Variants in CAPN5 observed in about 807,000 individuals in gnomAD.
CAPN5 encodes the protein calpain 5.
CAPN5 carries 54 observed loss-of-function variants against 73.0 expected under a neutral mutation model. The observed-to-expected ratio is 0.74, with a 90% CI of 0.59 to 0.93. The LOEUF is 0.93. Ranked by LOEUF, CAPN5 falls within the 40% of genes least tolerant of loss-of-function variation. The pLI, the probability that CAPN5 is intolerant of heterozygous loss-of-function variation, is 0.00. For missense variants in CAPN5, 785 were observed against 882.9 expected, an observed-to-expected ratio of 0.89 and a Z score of 1.41; for synonymous variants, 335 against 356.9, an observed-to-expected ratio of 0.94 and a Z score of 0.69.
At chr11:77,088,333 A>G (rs1950112072) in intron 2 of CAPN5, among the ~76,000 whole-genome samples, 1 of 152,120 alleles carries the variant, frequency 6.6e-6, no homozygotes, top group African/African-American at 2.4e-5. Flanking sequence ...CTCCCTGAAC[A>G]TAAGGCCTTT....
At chr11:77,077,603 C>T (rs1222174707) in intron 1 of CAPN5, among the ~76,000 whole-genome samples, 4 of 151,438 alleles carry the variant, frequency 2.6e-5, no homozygotes, top group African/African-American at 7.3e-5. Flanking sequence ...GATCTCGGCT[C>T]ACTGCAACCT....
chr11:77,119,273 G>A (rs1018095816), intron 9 of CAPN5, 121 bp downstream of exon 9: 36 of 1,130,304 alleles, frequency 3.2e-5, no homozygotes, highest in East Asian at 1.6e-4. Flanking sequence ...CCTGGCTGCC[G>A]TGGCAGACAT....
At chr11:77,100,658 C>T (rs2135452327) in intron 3 of CAPN5, among the ~76,000 whole-genome samples, 1 of 152,340 alleles carries the variant, frequency 6.6e-6, no homozygotes, top group Non-Finnish European at 1.5e-5. Context: ...GGCTCCTTCA[C>T]TGGACTCCCA....
rs782469382 is a variant in CAPN5, at chr11:77,084,987, C to T, written c.101C>T (p.Ala34Val). Residue 34 changes from alanine to valine, a missense_variant, in exon 2 of 13, where the codon GCC becomes GTC. Ala to Val is a moderately conservative substitution (Grantham distance 64, BLOSUM62 0). Coordinates refer to ENST00000648180, the MANE Select transcript of CAPN5 (RefSeq NM_004055.5). ...CTCTTCGAGGACCCCCTCTTCCCCGCCACTGACGACTCACTCTACTATAAG... is the reference window on the plus strand; with the variant it reads ...CTCTTCGAGGACCCCCTCTTCCCCGTCACTGACGACTCACTCTACTATAAG... ...KVLFEDPLFPATDDSLYYKGT... is the reference protein window; with the variant it reads ...KVLFEDPLFPVTDDSLYYKGT... 6.8e-5 allele frequency: 110 copies of T among 1,613,786 alleles called. No homozygotes were observed. The highest frequency in any genetic ancestry group is 8.8e-5 in the Non-Finnish European group (104 of 1,180,046).
intron 3 of CAPN5, among the ~76,000 whole-genome samples, chr11:77,105,824 C>T (rs1950340551): frequency 6.6e-6 from 1 of 152,244 alleles, no homozygotes; most frequent in Admixed American, 6.5e-5. Flanking sequence ...TTCCTCACAG[C>T]TCTGTTCCCT....
At chr11:77,101,036 C>T (rs1950278323) in intron 3 of CAPN5, among the ~76,000 whole-genome samples, 1 of 152,252 alleles carries the variant, frequency 6.6e-6, no homozygotes, top group Non-Finnish European at 1.5e-5. Flanking sequence ...TGTGTACTGT[C>T]TCCCCACCTG....
chr11:77,085,770 G>T (rs899009595), intron 2 of CAPN5, among the ~76,000 whole-genome samples: 3 of 152,266 alleles, frequency 2.0e-5, no homozygotes, highest in Admixed American at 2.0e-4. Context: ...CTGGGGAGGG[G>T]TTCGCTGCTT....
At position 77,093,930 on chromosome 11, in the gene CAPN5, A is replaced by C. The variant is rs375048490; in HGVS notation, c.297+117A>C. The C allele has an allele frequency of 4.2e-6, 6 of 1,441,166 alleles. No individual in the cohort carries two copies. In the African/African-American group the frequency reaches 5.6e-5, roughly 13 times the overall value. 89.3% of individuals were successfully genotyped at this position (1,441,166 alleles called of 1,614,324 possible). On this transcript the variant is annotated intron_variant, in intron 3 of 12. Transcript: ENST00000648180. Reference sequence around the variant, plus strand: ...GATGAGACTTTCAAAAGCCTGTGCCAGGGATGGGGTGGGGGCCCCCAGTAC... The same window carrying C: ...GATGAGACTTTCAAAAGCCTGTGCCCGGGATGGGGTGGGGGCCCCCAGTAC...
intron 11 of CAPN5, 74 bp downstream of exon 11, chr11:77,122,123 C>A: frequency 1.2e-6 from 1 of 858,366 alleles, no homozygotes; most frequent in Non-Finnish European, 1.8e-6. Context: ...AGCACGGATA[C>A]CAGCCTCAGA....
intron 3 of CAPN5, among the ~76,000 whole-genome samples, chr11:77,104,996 G>A (rs1405336692): frequency 6.6e-6 from 1 of 152,110 alleles, no homozygotes; most frequent in Non-Finnish European, 1.5e-5. Flanking sequence ...TTCCGGGACA[G>A]GCTTGAAGAA....
At chr11:77,110,329 T>C (rs1449223890) in intron 3 of CAPN5, among the ~76,000 whole-genome samples, 3 of 152,206 alleles carry the variant, frequency 2.0e-5, no homozygotes, top group African/African-American at 7.2e-5. Flanking sequence ...CCTCAAGTGA[T>C]CCACCTGCCT....
chr11:77,077,634 A>T (rs1336882863), intron 1 of CAPN5, among the ~76,000 whole-genome samples: 1 of 151,380 alleles, frequency 6.6e-6, no homozygotes, highest in African/African-American at 2.4e-5. Context: ...GGTTCAAGCG[A>T]TTCTTCTGCC....
chr11:77,107,391 A>T (rs919854926), intron 3 of CAPN5, among the ~76,000 whole-genome samples: 1 of 152,108 alleles, frequency 6.6e-6, no homozygotes, highest in Non-Finnish European at 1.5e-5. Context: ...CTGGGGTCCC[A>T]GGCAGAAATG....
chr11:77,106,704 A>T (rs1199097720), intron 3 of CAPN5, among the ~76,000 whole-genome samples: 1 of 152,206 alleles, frequency 6.6e-6, no homozygotes, highest in Non-Finnish European at 1.5e-5. Flanking sequence ...GAGTTTGCCC[A>T]TGGTTACTGC....
In CAPN5 at chr11:77,071,652, C is replaced by T. The variant is rs147690270; in HGVS notation, c.-36+4558C>T. Reference sequence around the variant, plus strand: ...CAAAGAGGTTAACTGCTTTGCACCTCGCTGGCCTCAGTCTCCCCATCTGAG... The same window carrying T: ...CAAAGAGGTTAACTGCTTTGCACCTTGCTGGCCTCAGTCTCCCCATCTGAG... On this transcript the variant is annotated intron_variant, in intron 1 of 12. Transcript: ENST00000648180. 2.2e-3 allele frequency: 982 copies of T among 454,036 alleles called. 2 individuals carry two copies. Among genetic ancestry groups the T allele is most frequent in the African/African-American group, 0.017 (872 of 50,154 alleles). 28.1% of individuals were successfully genotyped at this position (454,036 alleles called of 1,614,324 possible). A position where few individuals can be genotyped will look rare whatever the true frequency, so the allele number is the denominator to read the frequency against.
At chr11:77,123,032 C>T (rs1950539486) in intron 12 of CAPN5, among the ~76,000 whole-genome samples, 1 of 152,236 alleles carries the variant, frequency 6.6e-6, no homozygotes, top group African/African-American at 2.4e-5. Context: ...GTGGGGGGCC[C>T]ACCTGGAAAG....
chr11:77,109,401 TTCCC>T (rs1219972472), intron 3 of CAPN5, among the ~76,000 whole-genome samples: 1 of 152,208 alleles, frequency 6.6e-6, no homozygotes, highest in African/African-American at 2.4e-5. Flanking sequence ...AATGAGTTGA[TTCCC>T]TACCCACCTC....
Position 77,067,110 on chromosome 11 carries a change from A to AG in CAPN5, c.-36+19dup, listed in dbSNP as rs1250868780. On this transcript the variant is annotated intron_variant, in intron 1 of 12. Transcript: ENST00000648180. The stretch of plus-strand genomic sequence containing the variant: ...GGCTCGGCCGGTAGGAGGCGGGCGG[A>AG]GGGAGGCGTGTGCTTCTGTGTGTGT... The AG allele has an allele frequency of 3.4e-5, 5 of 147,644 alleles. No homozygotes were observed. Among genetic ancestry groups the AG allele is most frequent in the African/African-American group, 1.3e-4 (5 of 39,272 alleles). The allele number at this position is 147,644 out of a possible 1,614,324, so 9.1% of individuals were successfully genotyped here.
At chr11:77,122,537 A>ACCCCCCCCCCCCC in intron 11 of CAPN5, 39 bp from the exon 12 acceptor site, 1 of 427,578 alleles carries the variant, frequency 2.3e-6, no homozygotes, top group South Asian at 2.5e-5. Flanking sequence ...CACAGCCCCC[A>ACCCCCCCCCCCCC]CCCCCACCCT....
Sources: gnomAD v4.1 joint callset for allele counts (sites outside exome capture counted in the v4.1 genomes callset) on GRCh38, gnomAD v4.1.1 for gene constraint, MANE v1.5 for transcripts, NCBI Gene and HGNC (gene_info 2026-07-23, HGNC 2026-07-21) for gene names.